PUS7: variants seen among roughly 807,000 people sequenced by gnomAD.
PUS7 encodes pseudouridylate synthase 7 homolog.
Under a neutral mutation model 79.8 loss-of-function variants are expected in PUS7, and 48 were observed. The observed-to-expected ratio is 0.60, with a 90% CI of 0.48 to 0.76. The LOEUF is 0.76. Among genes scored for constraint, PUS7 ranks in the 30% least tolerant of loss-of-function variants. PUS7 has a pLI of 0.00. For missense variants in PUS7, 729 were observed against 797.6 expected (o/e 0.91, Z 1.04); for synonymous variants, 286 against 272.2 (o/e 1.05, Z -0.50).
At chr7:105,520,729 T>A (rs987298560) in intron 1 of PUS7, among the ~76,000 whole-genome samples, 6 of 148,200 alleles carry the variant, frequency 4.0e-5, no homozygotes, top group Non-Finnish European at 8.9e-5. Context: ...CTAAAAAAAA[T>A]AAATCAAAAA....
chr7:105,520,165 A>C (rs1826049220), intron 1 of PUS7, among the ~76,000 whole-genome samples: 2 of 152,314 alleles, frequency 1.3e-5, no homozygotes, highest in Admixed American at 1.3e-4. Flanking sequence ...CTCTACTAAA[A>C]ATACAAAAAT....
intron 14 of PUS7, among the ~76,000 whole-genome samples, chr7:105,461,989 G>A (rs1823447052): frequency 6.6e-6 from 1 of 151,228 alleles, no homozygotes; most frequent in Non-Finnish European, 1.5e-5. Flanking sequence ...GCTGCAGGAA[G>A]CCATGATTAT....
chr7:105,482,308 T>C lies in PUS7; in HGVS notation c.1049+4A>G. On this transcript the variant is annotated splice_donor_region_variant and intron_variant, in intron 8 of 15. Coordinates refer to ENST00000469408, the MANE Select transcript of PUS7 (RefSeq NM_019042.5). ...GGTCTACATTCCCACCTGCAGTTCT[T>C]TACCTGAGAACAACAGTGAAGTGGT... 1 of 1,612,902 alleles carries C rather than the reference T, an allele frequency of 6.2e-7. No individual in the cohort carries two copies.
intron 7 of PUS7, among the ~76,000 whole-genome samples, chr7:105,490,169 T>TAGC (rs1401981852): frequency 6.6e-6 from 1 of 150,380 alleles, no homozygotes; most frequent in Non-Finnish European, 1.5e-5. Flanking sequence ...TAAGTAGAGG[T>TAGC]AGCAAACATA....
chr7:105,468,492 A>G (rs1586098149), intron 11 of PUS7, 29 bp from the exon 12 acceptor site: 1 of 1,559,224 alleles, frequency 6.4e-7, no homozygotes, highest in East Asian at 2.3e-5. Context: ...ATAGGCAAGA[A>G]AACATATTCT....
chr7:105,497,826 T>C (rs1455093925), intron 5 of PUS7, among the ~76,000 whole-genome samples: 1 of 152,180 alleles, frequency 6.6e-6, no homozygotes, highest in East Asian at 1.9e-4. Flanking sequence ...AACAGAATGT[T>C]GATAATCTTA....
chr7:105,478,118 A>G (rs923243661), intron 9 of PUS7, among the ~76,000 whole-genome samples: 1 of 152,172 alleles, frequency 6.6e-6, no homozygotes, highest in African/African-American at 2.4e-5. Flanking sequence ...CTACTTAGCA[A>G]TGTTTTCAAG....
intron 5 of PUS7, among the ~76,000 whole-genome samples, chr7:105,501,966 AAAAAT>A (rs1382222928): frequency 1.4e-3 from 161 of 112,156 alleles, no homozygotes; most frequent in African/African-American, 4.8e-3. Flanking sequence ...AAAAAAAAAA[AAAAAT>A]ATATATATAT....
chr7:105,465,451 A>G (rs1253582531), intron 12 of PUS7, 37 bp from the exon 13 acceptor site: 3 of 1,424,462 alleles, frequency 2.1e-6, no homozygotes, highest in Non-Finnish European at 3.0e-6. Context: ...TTAAGAAAAT[A>G]GGCAATATTG....
intron 5 of PUS7, among the ~76,000 whole-genome samples, chr7:105,502,058 C>T (rs574136732): frequency 1.5e-4 from 23 of 151,366 alleles, no homozygotes; most frequent in African/African-American, 5.3e-4. Context: ...TGAAAGCTTT[C>T]TTTCCTCCAT....
chr7:105,497,110 G>A, intron 5 of PUS7: 1 of 445,644 alleles, frequency 2.2e-6, no homozygotes, highest in Non-Finnish European at 3.1e-6. Flanking sequence ...TAGTTATGCG[G>A]TGGGTTAACA....
intron 5 of PUS7, among the ~76,000 whole-genome samples, chr7:105,497,950 G>A (rs1318858689): frequency 1.3e-5 from 2 of 152,198 alleles, no homozygotes; most frequent in Non-Finnish European, 2.9e-5. Flanking sequence ...TTGATGAAGT[G>A]TAGCTACATT....
At chr7:105,470,610 A>G (rs1563357898) in intron 11 of PUS7, 78 bp downstream of exon 11, 17 of 1,421,388 alleles carry the variant, frequency 1.2e-5, no homozygotes, top group Non-Finnish European at 8.5e-6. Context: ...TTCAAAGTTT[A>G]GTAAAATCTT....
intron 1 of PUS7, among the ~76,000 whole-genome samples, chr7:105,516,598 C>T (rs964256954): frequency 3.9e-5 from 6 of 152,070 alleles, no homozygotes; most frequent in Admixed American, 3.3e-4. Flanking sequence ...GAATTACAGA[C>T]GCCCGCTACC....
intron 4 of PUS7, among the ~76,000 whole-genome samples, chr7:105,502,792 C>T (rs1038400369): frequency 3.3e-5 from 5 of 152,150 alleles, no homozygotes; most frequent in Admixed American, 2.6e-4. Flanking sequence ...CTCTGCCTCC[C>T]GGGTTCAAGG....
chr7:105,521,532 AGCCCGCGTGGC>A (rs1240160976), intron 1 of PUS7, among the ~76,000 whole-genome samples: 1 of 152,172 alleles, frequency 6.6e-6, no homozygotes, highest in East Asian at 1.9e-4. Flanking sequence ...CAGTCCCCAG[AGCCCGCGTGGC>A]GCCTAGTAGG....
intron 1 of PUS7, 144 bp downstream of exon 1, chr7:105,521,908 C>T (rs1826133979): frequency 6.7e-6 from 1 of 149,366 alleles, no homozygotes; most frequent in Admixed American, 6.7e-5. Context: ...AATGGAGGCG[C>T]CGCGGGCTCT....
intron 4 of PUS7, 116 bp downstream of exon 4, chr7:105,505,839 T>A (rs1467756886): frequency 1.9e-5 from 16 of 838,782 alleles, no homozygotes; most frequent in Non-Finnish European, 2.5e-5. Context: ...TTAGATCCAA[T>A]AGAGCAAAAA....
At chr7:105,484,628 G>A (rs967383878) in intron 7 of PUS7, among the ~76,000 whole-genome samples, 3 of 151,640 alleles carry the variant, frequency 2.0e-5, no homozygotes, top group Non-Finnish European at 1.5e-5. Flanking sequence ...AGACCAGCCT[G>A]GCCAATATGG....
Sources: gnomAD v4.1 joint callset for allele counts (sites outside exome capture counted in the v4.1 genomes callset) on GRCh38, gnomAD v4.1.1 for gene constraint, MANE v1.5 for transcripts, NCBI Gene and HGNC (gene_info 2026-07-23, HGNC 2026-07-21) for gene names.